The following FGF14 variants were observed in gnomAD, a reference collection of about 807,000 sequenced individuals.
The protein encoded by FGF14 is fibroblast growth factor homologous factor 4.
In FGF14, 5 loss-of-function variants were observed where a neutral mutation model predicts 25.5. The ratio of observed to expected loss-of-function variants is 0.20; its 90% CI spans 0.10 to 0.41. FGF14 has a LOEUF of 0.41. FGF14 is among the 10% of genes least tolerant of loss of function. FGF14 has a pLI of 1.00. For missense variants in FGF14, 222 were observed against 320.1 expected, an observed-to-expected ratio of 0.69 and a Z score of 2.34; for synonymous variants, 138 against 118.3, an observed-to-expected ratio of 1.17 and a Z score of -1.08.
intron 1 of FGF14, among the ~76,000 whole-genome samples, chr13:102,158,541 G>C (rs1259669517): frequency 6.6e-6 from 1 of 150,714 alleles, no homozygotes; most frequent in African/African-American, 2.4e-5. Context: ...TAGCGGGGGG[G>C]GGATACATTA....
At chr13:101,846,607 A>G (rs1229856384) in intron 3 of FGF14, among the ~76,000 whole-genome samples, 2 of 152,094 alleles carry the variant, frequency 1.3e-5, no homozygotes, top group Non-Finnish European at 2.9e-5. Context: ...GGATGACCTC[A>G]GCACAGCCAA....
intron 3 of FGF14, among the ~76,000 whole-genome samples, chr13:101,795,174 TATGCATTCACATGA>T (rs2040447307): frequency 6.6e-6 from 1 of 152,104 alleles, no homozygotes. Context: ...TCACAGACAA[TATGCATTCACATGA>T]ATGAGTGTGG....
intron 1 of FGF14, among the ~76,000 whole-genome samples, chr13:101,915,157 G>A (rs2033336676): frequency 6.6e-6 from 1 of 152,122 alleles, no homozygotes. Context: ...TTTGAAGCTT[G>A]ATAGTAAGAG....
intron 1 of FGF14, among the ~76,000 whole-genome samples, chr13:101,980,267 A>G (rs1193336784): frequency 6.6e-6 from 1 of 152,182 alleles, no homozygotes; most frequent in East Asian, 1.9e-4. Context: ...AATTATAGAT[A>G]AAGGCTAGTC....
intron 1 of FGF14, among the ~76,000 whole-genome samples, chr13:102,112,541 AT>A (rs931642542): frequency 5.9e-5 from 9 of 152,186 alleles, no homozygotes; most frequent in South Asian, 2.1e-4. Context: ...TGAATTAACC[AT>A]TTATTCATTC....
intron 1 of FGF14, among the ~76,000 whole-genome samples, chr13:102,380,167 G>A (rs1449117908): frequency 6.6e-6 from 1 of 150,780 alleles, no homozygotes; most frequent in East Asian, 1.9e-4. Context: ...AGAATGTCAT[G>A]GAACTGACAT....
At chr13:101,939,599 A>G (rs1257594445) in intron 1 of FGF14, among the ~76,000 whole-genome samples, 1 of 152,194 alleles carries the variant, frequency 6.6e-6, no homozygotes, top group Non-Finnish European at 1.5e-5. Context: ...GACCATGGTT[A>G]TTAGATTTGC....
At chr13:101,963,374 G>C (rs1447596514) in intron 1 of FGF14, among the ~76,000 whole-genome samples, 2 of 151,768 alleles carry the variant, frequency 1.3e-5, no homozygotes, top group Non-Finnish European at 2.9e-5. Flanking sequence ...ATACTGAGTT[G>C]CTCCATTTCC....
At chr13:101,790,359 T>C (rs1391899905) in intron 3 of FGF14, among the ~76,000 whole-genome samples, 1 of 151,898 alleles carries the variant, frequency 6.6e-6, no homozygotes, top group Non-Finnish European at 1.5e-5. Flanking sequence ...TACATTTGAG[T>C]GAAGAGAACT....
chr13:102,046,482 T>A (rs1057271662), intron 1 of FGF14, among the ~76,000 whole-genome samples: 3 of 152,142 alleles, frequency 2.0e-5, no homozygotes, highest in Non-Finnish European at 4.4e-5. Context: ...AGGAGTATGA[T>A]GTTGCGTCAA....
intron 3 of FGF14, among the ~76,000 whole-genome samples, chr13:101,823,506 C>T (rs1286198328): frequency 6.6e-6 from 1 of 150,540 alleles, no homozygotes; most frequent in African/African-American, 2.4e-5. Context: ...GGCGCGATCT[C>T]GGCTCACCAC....
intron 2 of FGF14, among the ~76,000 whole-genome samples, chr13:101,869,068 A>G (rs1166850135): frequency 2.0e-5 from 3 of 152,214 alleles, no homozygotes; most frequent in Non-Finnish European, 4.4e-5. Context: ...TGAAGGGCTG[A>G]TGCGACAATA....
intron 1 of FGF14, among the ~76,000 whole-genome samples, chr13:102,381,607 G>A (rs746390467): frequency 3.9e-5 from 6 of 152,084 alleles, no homozygotes; most frequent in African/African-American, 9.7e-5. Context: ...TATAGCAGCC[G>A]GAATGGGCTA....
chr13:101,781,549 C>T (rs1474137533), intron 3 of FGF14, among the ~76,000 whole-genome samples: 2 of 152,174 alleles, frequency 1.3e-5, no homozygotes, highest in Non-Finnish European at 2.9e-5. Flanking sequence ...GTTCCTTTAA[C>T]TGTATTATCT....
At chr13:102,149,923 C>T (rs2047009700) in intron 1 of FGF14, among the ~76,000 whole-genome samples, 1 of 152,110 alleles carries the variant, frequency 6.6e-6, no homozygotes, top group African/African-American at 2.4e-5. Context: ...GCTATGACAG[C>T]ACAGTTTTTA....
At chr13:102,024,283 A>G (rs2040816751) in intron 1 of FGF14, among the ~76,000 whole-genome samples, 1 of 151,994 alleles carries the variant, frequency 6.6e-6, no homozygotes, top group Non-Finnish European at 1.5e-5. Context: ...TCTTGCCAAC[A>G]CTTATTTCTG....
chr13:102,396,937 T>G (rs148976741), intron 1 of FGF14, among the ~76,000 whole-genome samples: 1 of 152,222 alleles, frequency 6.6e-6, no homozygotes, highest in Non-Finnish European at 1.5e-5. Flanking sequence ...TAAGGCCAAC[T>G]AATACTACAT....
intron 1 of FGF14, among the ~76,000 whole-genome samples, chr13:102,323,591 G>A (rs930190744): frequency 6.6e-6 from 1 of 152,138 alleles, no homozygotes; most frequent in Non-Finnish European, 1.5e-5. Context: ...AATTTACCAA[G>A]AGTCCTTTCT....
intron 1 of FGF14, chr13:102,017,065 C>A: frequency 6.2e-6 from 1 of 160,818 alleles, no homozygotes; most frequent in Non-Finnish European, 1.3e-5. Flanking sequence ...ACCTTCAGAC[C>A]AGCCTGTTTT....
Sources: gnomAD v4.1 joint callset for allele counts (sites outside exome capture counted in the v4.1 genomes callset) on GRCh38, gnomAD v4.1.1 for gene constraint, MANE v1.5 for transcripts, NCBI Gene and HGNC (gene_info 2026-07-23, HGNC 2026-07-21) for gene names.